Variants in JPH3 observed in about 807,000 individuals in gnomAD.
JPH3 encodes junctophilin 3, also known as junctophilin-3.
In JPH3, 11 loss-of-function variants were observed where a neutral mutation model predicts 59.6. That is an observed-to-expected ratio of 0.18 (90% CI 0.12 to 0.31). The LOEUF is 0.31. Among genes scored for constraint, JPH3 ranks in the 10% least tolerant of loss-of-function variants. The pLI is 1.00. For synonymous variants in JPH3, 673 were observed against 483.6 expected, an observed-to-expected ratio of 1.39 and a Z score of -5.14; for missense variants, 1,202 against 1,105.7, an observed-to-expected ratio of 1.09 and a Z score of -1.24.
chr16:87,607,038 G>A (rs1163695669), intron 1 of JPH3, among the ~76,000 whole-genome samples: 1 of 152,166 alleles, frequency 6.6e-6, no homozygotes, highest in East Asian at 1.9e-4. Context: ...CCTTTGCTAG[G>A]TACGTCGCTC....
intron 4 of JPH3, 143 bp from the exon 5 acceptor site, chr16:87,696,437 G>A (rs1597308676): frequency 1.4e-6 from 1 of 691,052 alleles, no homozygotes; most frequent in Non-Finnish European, 2.5e-6. Context: ...GGCCTTTGGT[G>A]TCCAAGCGTT....
chr16:87,619,933 G>C (rs2031111913), intron 1 of JPH3, among the ~76,000 whole-genome samples: 1 of 152,172 alleles, frequency 6.6e-6, no homozygotes, highest in South Asian at 2.1e-4. Flanking sequence ...CAGACTTCAG[G>C]AGGCGCATCT....
At chr16:87,619,640 G>A (rs532975542) in intron 1 of JPH3, among the ~76,000 whole-genome samples, 4 of 152,286 alleles carry the variant, frequency 2.6e-5, no homozygotes, top group East Asian at 3.9e-4. Flanking sequence ...TCCGGTCCTC[G>A]GACACCACGA....
At chr16:87,695,986 A>G (rs564833458) in intron 4 of JPH3, 2 of 455,862 alleles carry the variant, frequency 4.4e-6, no homozygotes, top group African/African-American at 2.0e-5. Context: ...CATAACCTAA[A>G]TCCAAGGCAG....
intron 1 of JPH3, chr16:87,604,372 TG>T: frequency 7.0e-7 from 1 of 1,438,800 alleles, no homozygotes; most frequent in Non-Finnish European, 9.2e-7. Flanking sequence ...GCTCTGCAGC[TG>T]CCCGCCTGCC....
intron 4 of JPH3, chr16:87,695,560 T>G (rs1426297414): frequency 2.2e-6 from 1 of 454,854 alleles, no homozygotes; most frequent in Non-Finnish European, 4.4e-6. Context: ...GGGGCAAGTG[T>G]CCTCTGGAAG....
chr16:87,619,546 G>A (rs1198053622), intron 1 of JPH3, among the ~76,000 whole-genome samples: 4 of 152,276 alleles, frequency 2.6e-5, no homozygotes, highest in East Asian at 3.9e-4. Flanking sequence ...CTCAGTAAGC[G>A]GCGACAGGAC....
chr16:87,696,354 C>T (rs2142854828), intron 4 of JPH3: 1 of 584,862 alleles, frequency 1.7e-6, no homozygotes, highest in South Asian at 2.0e-5. Context: ...ATTCCAGGAC[C>T]AGCAACCTCA....
At chr16:87,693,280 C>T (rs899472012) in intron 4 of JPH3, among the ~76,000 whole-genome samples, 4 of 152,224 alleles carry the variant, frequency 2.6e-5, no homozygotes, top group African/African-American at 9.6e-5. Flanking sequence ...CAGCACCTCA[C>T]CCTCTGAGGA....
At chr16:87,631,320 A>G (rs1264098265) in intron 1 of JPH3, among the ~76,000 whole-genome samples, 1 of 152,190 alleles carries the variant, frequency 6.6e-6, no homozygotes, top group Non-Finnish European at 1.5e-5. Context: ...CATGGAAGAT[A>G]TAGTTTCTGT....
intron 1 of JPH3, among the ~76,000 whole-genome samples, chr16:87,607,957 C>T (rs1386352118): frequency 1.2e-4 from 19 of 152,238 alleles, no homozygotes; most frequent in African/African-American, 3.9e-4. Flanking sequence ...AAGCAAACAG[C>T]TATTTTTTTG....
chr16:87,621,991 C>A (rs2031202429), intron 1 of JPH3, among the ~76,000 whole-genome samples: 1 of 152,184 alleles, frequency 6.6e-6, no homozygotes, highest in South Asian at 2.1e-4. Context: ...GTTTCTATCT[C>A]ACTCTACTGT....
intron 2 of JPH3, among the ~76,000 whole-genome samples, chr16:87,649,414 C>T (rs567821449): frequency 1.3e-5 from 2 of 152,356 alleles, no homozygotes; most frequent in South Asian, 4.1e-4. Context: ...GCCTCGCTGT[C>T]CCCGGGTGGA....
At position 87,603,544 on chromosome 16, in the gene JPH3, C is replaced by A; in HGVS notation, c.382+16C>A. On this transcript the variant is annotated intron_variant, in intron 1 of 4. Coordinates refer to ENST00000284262, the MANE Select transcript of JPH3 (RefSeq NM_020655.4). ...TCGGACGGAGGTAGGTGCCGCGGGC[C>A]GGGCCGGGCCGGGGCGGGAGGGACG... The A allele has an allele frequency of 1.3e-6, 2 of 1,542,752 alleles. No homozygotes were observed. The highest frequency in any genetic ancestry group is 1.7e-6 in the Non-Finnish European group (2 of 1,144,176).
intron 1 of JPH3, among the ~76,000 whole-genome samples, chr16:87,634,976 T>G (rs1428833595): frequency 6.6e-6 from 1 of 152,170 alleles, no homozygotes; most frequent in African/African-American, 2.4e-5. Flanking sequence ...CCCGGGGTAG[T>G]GTGTGGATGA....
At chr16:87,682,374 G>T (rs954840902) in intron 2 of JPH3, among the ~76,000 whole-genome samples, 1 of 152,176 alleles carries the variant, frequency 6.6e-6, no homozygotes. Flanking sequence ...CGTAGAAGGT[G>T]TTTGCGCCCC....
rs1001837085 is a variant in JPH3, at chr16:87,611,571, C to G, written c.382+8043C>G. Among the ~76,000 whole-genome samples, 18 of 152,110 alleles carry G rather than the reference C, an allele frequency of 1.2e-4. No individual in the cohort carries two copies. Among genetic ancestry groups the G allele is most frequent in the African/African-American group, 3.9e-4 (16 of 41,416 alleles). ...AAGGCTCGCTGGTGCAAATGCTTTC[C>G]AAAAACACCGAGAGTCGCTCTCTCT... On this transcript the variant is annotated intron_variant, in intron 1 of 4. Coordinates refer to ENST00000284262, the MANE Select transcript of JPH3 (RefSeq NM_020655.4). The surrounding 1 kb of genome is among the most constrained non-coding windows in gnomAD (Gnocchi z 4.5).
intron 1 of JPH3, chr16:87,604,444 GA>G: frequency 7.2e-7 from 1 of 1,380,174 alleles, no homozygotes; most frequent in South Asian, 1.2e-5. Context: ...TCCTTTCCTG[GA>G]AGCCAGACCC....
At chr16:87,615,519 C>T (rs530941712) in intron 1 of JPH3, among the ~76,000 whole-genome samples, 6 of 152,262 alleles carry the variant, frequency 3.9e-5, no homozygotes, top group East Asian at 3.9e-4. Flanking sequence ...TCATTTGTTT[C>T]GTCTCCTTGT....
Sources: gnomAD v4.1 joint callset for allele counts (sites outside exome capture counted in the v4.1 genomes callset) on GRCh38, gnomAD v4.1.1 for gene constraint, Gnocchi (gnomAD v3.1) non-coding constraint, MANE v1.5 for transcripts, NCBI Gene and HGNC (gene_info 2026-07-23, HGNC 2026-07-21) for gene names.